Variants in OSBP2 observed in about 807,000 individuals in gnomAD.
The protein encoded by OSBP2 is oxysterol-binding protein 2.
In OSBP2, 66 loss-of-function variants were observed where a neutral mutation model predicts 96.0. That is an observed-to-expected ratio of 0.69 (90% CI 0.56 to 0.84). The LOEUF (loss-of-function observed/expected upper bound fraction) is 0.84. Ranked by LOEUF, OSBP2 falls within the 40% of genes least tolerant of loss-of-function variation. The pLI, the probability that OSBP2 is intolerant of heterozygous loss-of-function variation, is 0.00. For synonymous variants in OSBP2, 525 were observed against 520.9 expected, an observed-to-expected ratio of 1.01 and a Z score of -0.11; for missense variants, 1,038 against 1,222.7, an observed-to-expected ratio of 0.85 and a Z score of 2.25.
rs115736727 is a variant in OSBP2, at chr22:30,772,666, C to T, written c.853+31297C>T. Reference sequence around the variant, plus strand: ...GAGGACACTCTGAGGTCTGGGTTTCCCTCTCCTCAGCTGAGTAATGTCCTC... The same window carrying T: ...GAGGACACTCTGAGGTCTGGGTTTCTCTCTCCTCAGCTGAGTAATGTCCTC... On this transcript the variant is annotated intron_variant, in intron 2 of 13. Coordinates refer to ENST00000332585, the MANE Select transcript of OSBP2 (RefSeq NM_030758.4). Among the ~76,000 whole-genome samples the T allele has an allele frequency of 7.3e-3, 1,115 of 152,310 alleles. 11 individuals are homozygous for T. Among genetic ancestry groups the T allele is most frequent in the African/African-American group, 0.024 (979 of 41,576 alleles).
chr22:30,716,964 G>A (rs892903569), intron 1 of OSBP2, among the ~76,000 whole-genome samples: 4 of 152,056 alleles, frequency 2.6e-5, no homozygotes, highest in African/African-American at 9.7e-5. Context: ...TGTGCTTTTG[G>A]TGTCATATCC....
chr22:30,714,489 A>G (rs73400355), intron 1 of OSBP2, among the ~76,000 whole-genome samples: 10,011 of 152,148 alleles, frequency 0.066, 1,110 homozygotes, highest in African/African-American at 0.23. Context: ...GTTCAGTAGC[A>G]TGGTGTATTT....
chr22:30,790,931 T>C (rs1193626797), intron 2 of OSBP2, among the ~76,000 whole-genome samples: 8 of 152,340 alleles, frequency 5.3e-5, no homozygotes, highest in Admixed American at 3.9e-4. Flanking sequence ...TCAAGGCCAA[T>C]GTGATCCCTG....
Position 30,870,377 on chromosome 22 carries a change from T to TG in OSBP2, c.854-52_854-51insG. Reference sequence around the variant, plus strand: ...TGCTCGGCCTGGCTGTGCAGGCCTCTTGGTACCACGTCTGTTCGTAATGAC... The same window carrying TG: ...TGCTCGGCCTGGCTGTGCAGGCCTCTGTGGTACCACGTCTGTTCGTAATGAC... On this transcript the variant is annotated intron_variant, in intron 2 of 13. Coordinates refer to ENST00000332585, the MANE Select transcript of OSBP2 (RefSeq NM_030758.4). This position sits in a 1 kb window ranked among gnomAD's most constrained non-coding sequence, Gnocchi z 4.1. 6.3e-7 allele frequency: 1 copy of TG among 1,598,024 alleles called. No individual in the cohort carries two copies. Among genetic ancestry groups the TG allele is most frequent in the Non-Finnish European group, 8.5e-7 (1 of 1,172,344 alleles).
At chr22:30,747,574 T>A (rs1414025212) in intron 2 of OSBP2, among the ~76,000 whole-genome samples, 1 of 152,230 alleles carries the variant, frequency 6.6e-6, no homozygotes, top group East Asian at 1.9e-4. Flanking sequence ...TTAAGTGGCT[T>A]GCTAGTGGTC....
intron 2 of OSBP2, among the ~76,000 whole-genome samples, chr22:30,743,303 G>C (rs1428736263): frequency 6.6e-6 from 1 of 152,214 alleles, no homozygotes; most frequent in African/African-American, 2.4e-5. Flanking sequence ...GTCTCAGTGA[G>C]TATTAAAGGG....
intron 2 of OSBP2, among the ~76,000 whole-genome samples, chr22:30,835,080 G>A (rs1160360905): frequency 6.6e-6 from 1 of 152,074 alleles, no homozygotes; most frequent in Non-Finnish European, 1.5e-5. Context: ...CTCCCAAAGT[G>A]CTGGGGTTAC....
intron 1 of OSBP2, among the ~76,000 whole-genome samples, chr22:30,706,638 G>A (rs759643279): frequency 6.6e-6 from 1 of 152,118 alleles, no homozygotes. Flanking sequence ...GACCCTCGGC[G>A]TGATAGTCAC....
chr22:30,724,088 T>C (rs1051344594), intron 1 of OSBP2, among the ~76,000 whole-genome samples: 5 of 152,194 alleles, frequency 3.3e-5, no homozygotes, highest in African/African-American at 1.2e-4. Flanking sequence ...CTTTTTACCG[T>C]CTCCATTAGT....
rs1163326015 is a variant in OSBP2 at position 30,890,802 on chromosome 22, G to A, written c.1698G>A (p.Lys566=). ...TGGAGTACCACCACCTGCTGGACAA[G>A]GCAGTGCACTGCACCAGCTCAGTGG... ...EDLEYHHLLD[K]AVHCTSSVEQ... is the part of the protein sequence containing the mutation. Residue 566 remains lysine (K), a synonymous_variant, in exon 8 of 14, where the codon AAG becomes AAA. Transcript: ENST00000332585. The surrounding 1 kb of genome is among the most constrained non-coding windows in gnomAD (Gnocchi z 4.4). The A allele has an allele frequency of 1.9e-6, 3 of 1,613,624 alleles. No individual in the cohort carries two copies. The highest frequency in any genetic ancestry group is 2.2e-5 in the East Asian group (1 of 44,890).
intron 1 of OSBP2, among the ~76,000 whole-genome samples, chr22:30,725,485 T>A (rs1390873205): frequency 6.6e-6 from 1 of 150,978 alleles, no homozygotes; most frequent in Non-Finnish European, 1.5e-5. Context: ...CACTTCGGCC[T>A]GGGAGACAGA....
chr22:30,837,687 G>A (rs533954329), intron 2 of OSBP2, among the ~76,000 whole-genome samples: 31 of 152,284 alleles, frequency 2.0e-4, no homozygotes, highest in Admixed American at 7.8e-4. Flanking sequence ...CTGAGGCTGC[G>A]ATTGTGATGT....
chr22:30,901,024 C>A (rs2147187003), intron 12 of OSBP2, among the ~76,000 whole-genome samples: 1 of 152,244 alleles, frequency 6.6e-6, no homozygotes, highest in South Asian at 2.1e-4. Flanking sequence ...ATCAAGAATA[C>A]AGAGTATTTT....
intron 12 of OSBP2, among the ~76,000 whole-genome samples, chr22:30,897,933 G>C (rs891671041): frequency 2.7e-5 from 4 of 148,118 alleles, no homozygotes; most frequent in Admixed American, 6.7e-5. Flanking sequence ...CTGGGTGACA[G>C]AGTGAGACTC....
At chr22:30,787,140 G>A (rs542695692) in intron 2 of OSBP2, among the ~76,000 whole-genome samples, 42 of 152,204 alleles carry the variant, frequency 2.8e-4, no homozygotes, top group African/African-American at 9.4e-4. Context: ...GTGTTAGTCC[G>A]TTCTCACACT....
intron 2 of OSBP2, among the ~76,000 whole-genome samples, chr22:30,774,069 T>C (rs1292490794): frequency 5.3e-5 from 8 of 152,118 alleles, no homozygotes; most frequent in Non-Finnish European, 2.9e-5. Context: ...ACCAGTGTCA[T>C]GGGTGGTCAG....
At chr22:30,727,832 C>T (rs992074983) in intron 1 of OSBP2, among the ~76,000 whole-genome samples, 1 of 152,138 alleles carries the variant, frequency 6.6e-6, no homozygotes, top group Non-Finnish European at 1.5e-5. Flanking sequence ...CTGGGCCGGG[C>T]GCAGTGTCTC....
At chr22:30,875,684 T>C (rs1450607748) in intron 3 of OSBP2, among the ~76,000 whole-genome samples, 2 of 152,240 alleles carry the variant, frequency 1.3e-5, no homozygotes, top group Admixed American at 1.3e-4. Context: ...GGCAGGGTTC[T>C]TTCTAGCCGG....
intron 2 of OSBP2, among the ~76,000 whole-genome samples, chr22:30,834,712 T>G (rs76915564): frequency 0.014 from 2,058 of 152,354 alleles, 26 homozygotes; most frequent in Middle Eastern, 0.048. Context: ...CTTTTTATTC[T>G]CGTATGAGTT....
Sources: allele counts gnomAD v4.1 joint callset (sites outside exome capture counted in the v4.1 genomes callset), GRCh38; gene constraint gnomAD v4.1.1; non-coding constraint Gnocchi (gnomAD v3.1); transcripts MANE v1.5; gene names NCBI Gene and HGNC (gene_info 2026-07-23, HGNC 2026-07-21).